SNTB1: variants seen among roughly 807,000 people sequenced by gnomAD.
SNTB1 encodes syntrophin beta 1, also known as beta-1-syntrophin.
SNTB1 carries 36 observed loss-of-function variants against 48.9 expected under a neutral mutation model. The observed-to-expected ratio is 0.74, with a 90% CI of 0.56 to 0.97. The LOEUF (loss-of-function observed/expected upper bound fraction) is 0.97. SNTB1 is among the 50% of genes least tolerant of loss of function. The pLI is 0.00. For missense variants in SNTB1, 786 were observed against 703.4 expected, an observed-to-expected ratio of 1.12 and a Z score of -1.33; for synonymous variants, 299 against 294.6, an observed-to-expected ratio of 1.01 and a Z score of -0.15.
chr8:120,753,011 CTT>C (rs913448579), intron 1 of SNTB1, among the ~76,000 whole-genome samples: 10 of 136,690 alleles, frequency 7.3e-5, no homozygotes, highest in Admixed American at 3.8e-4. Context: ...AAAAAAAAGA[CTT>C]GTTTTTACTG....
At chr8:120,686,349 A>G (rs1818031887) in intron 2 of SNTB1, among the ~76,000 whole-genome samples, 1 of 152,196 alleles carries the variant, frequency 6.6e-6, no homozygotes, top group South Asian at 2.1e-4. Context: ...ACAATTCTGG[A>G]GACTGGACAG....
chr8:120,727,625 A>G (rs1818781143), intron 1 of SNTB1, among the ~76,000 whole-genome samples: 1 of 152,208 alleles, frequency 6.6e-6, no homozygotes, highest in Non-Finnish European at 1.5e-5. Flanking sequence ...TCATATGTAG[A>G]CTATTGCAAC....
intron 1 of SNTB1, among the ~76,000 whole-genome samples, chr8:120,764,568 T>C (rs972690136): frequency 3.9e-5 from 6 of 152,240 alleles, no homozygotes; most frequent in African/African-American, 1.2e-4. Flanking sequence ...TTCTAATGTT[T>C]GTATTACCAG....
intron 2 of SNTB1, among the ~76,000 whole-genome samples, chr8:120,667,454 C>A (rs753958029): frequency 2.6e-5 from 4 of 152,172 alleles, no homozygotes; most frequent in Non-Finnish European, 5.9e-5. Context: ...CAAAAAGATA[C>A]AGGAGGAGAA....
At chr8:120,601,244 C>T (rs972311283) in intron 3 of SNTB1, among the ~76,000 whole-genome samples, 2 of 150,186 alleles carry the variant, frequency 1.3e-5, no homozygotes, top group Non-Finnish European at 3.0e-5. Flanking sequence ...GGGGAGTGGT[C>T]AGCATAGGGG....
intron 1 of SNTB1, chr8:120,768,936 C>T (rs1257420607): frequency 6.6e-6 from 1 of 152,204 alleles, no homozygotes; most frequent in Non-Finnish European, 1.5e-5. Context: ...CTCCCCACCA[C>T]AGGTGGAGAG....
intron 4 of SNTB1, among the ~76,000 whole-genome samples, chr8:120,555,962 A>G (rs1815560270): frequency 6.6e-6 from 1 of 152,174 alleles, no homozygotes; most frequent in African/African-American, 2.4e-5. Flanking sequence ...GTGATCTTGG[A>G]CTTCCAGCCT....
chr8:120,575,809 G>A (rs921485513), intron 3 of SNTB1, among the ~76,000 whole-genome samples: 1 of 152,138 alleles, frequency 6.6e-6, no homozygotes, highest in African/African-American at 2.4e-5. Context: ...TAACTCAAGG[G>A]TTGAGATGAC....
intron 1 of SNTB1, among the ~76,000 whole-genome samples, chr8:120,722,613 T>A (rs1317095523): frequency 6.6e-6 from 1 of 152,226 alleles, no homozygotes; most frequent in Non-Finnish European, 1.5e-5. Flanking sequence ...TGTAAGTTTG[T>A]TTAAGTTCTT....
chr8:120,586,973 C>A (rs1816153738), intron 3 of SNTB1, among the ~76,000 whole-genome samples: 1 of 152,196 alleles, frequency 6.6e-6, no homozygotes, highest in Non-Finnish European at 1.5e-5. Flanking sequence ...ATAATCCCAG[C>A]ACTTTGGGAG....
chr8:120,748,801 T>C (rs1819166197), intron 1 of SNTB1, among the ~76,000 whole-genome samples: 1 of 152,188 alleles, frequency 6.6e-6, no homozygotes, highest in Admixed American at 6.5e-5. Context: ...TAGTAAGAAA[T>C]AGCCCAGGCA....
chr8:120,659,586 CAT>C (rs992947901), intron 2 of SNTB1, among the ~76,000 whole-genome samples: 18 of 152,178 alleles, frequency 1.2e-4, no homozygotes, highest in East Asian at 1.2e-3. Flanking sequence ...ATAAATCACA[CAT>C]GTTTTTAATG....
chr8:120,693,227 T>A (rs1818157298), intron 2 of SNTB1, among the ~76,000 whole-genome samples: 1 of 152,142 alleles, frequency 6.6e-6, no homozygotes, highest in Non-Finnish European at 1.5e-5. Context: ...CACCTCTCAC[T>A]GGACCCCCAT....
At chr8:120,692,333 T>A (rs191072782) in intron 2 of SNTB1, among the ~76,000 whole-genome samples, 1 of 152,242 alleles carries the variant, frequency 6.6e-6, no homozygotes, top group East Asian at 1.9e-4. Context: ...CCTAGCCAAA[T>A]ACTTTCTATT....
chr8:120,639,915 A>C (rs925157757), intron 2 of SNTB1, among the ~76,000 whole-genome samples: 16 of 152,112 alleles, frequency 1.1e-4, no homozygotes, highest in Admixed American at 5.2e-4. Flanking sequence ...TTCTGTGAAG[A>C]AAGTCATTGG....
At chr8:120,597,275 G>C (rs980824834) in intron 3 of SNTB1, among the ~76,000 whole-genome samples, 11 of 152,212 alleles carry the variant, frequency 7.2e-5, no homozygotes, top group African/African-American at 2.7e-4. Flanking sequence ...CTTGATTTTG[G>C]CCCAGTGATG....
intron 1 of SNTB1, among the ~76,000 whole-genome samples, chr8:120,792,839 AC>A (rs1271195891): frequency 1.3e-5 from 2 of 151,990 alleles, no homozygotes; most frequent in Admixed American, 1.3e-4. Flanking sequence ...CAAGACTCAT[AC>A]TTTTAATGGA....
At chr8:120,739,365 A>T (rs1355874144) in intron 1 of SNTB1, among the ~76,000 whole-genome samples, 1 of 152,154 alleles carries the variant, frequency 6.6e-6, no homozygotes, top group East Asian at 1.9e-4. Context: ...GCCTAATGAG[A>T]AGTGAGGACT....
In SNTB1 at chr8:120,610,128, C is replaced by T. The variant is rs567910465; in HGVS notation, c.996+22316G>A. Reference sequence around the variant, plus strand: ...TTGCACACACAGTTTCTTTATTATTCACTATTTGATTTTGAAACTTTTTTT... The same window carrying T: ...TTGCACACACAGTTTCTTTATTATTTACTATTTGATTTTGAAACTTTTTTT... On this transcript the variant is annotated intron_variant, in intron 3 of 6. Coordinates refer to ENST00000517992, the MANE Select transcript of SNTB1 (RefSeq NM_021021.4). 8.5e-5 allele frequency among the ~76,000 whole-genome samples: 13 copies of T among 152,232 alleles called. No individual in the cohort carries two copies. The South Asian group carries it at 2.3e-3, about 27-fold the overall frequency.
Sources: allele counts gnomAD v4.1 joint callset (sites outside exome capture counted in the v4.1 genomes callset), GRCh38; gene constraint gnomAD v4.1.1; transcripts MANE v1.5; gene names NCBI Gene and HGNC (gene_info 2026-07-23, HGNC 2026-07-21).